The following CECR2 variants were observed in gnomAD, a reference collection of about 807,000 sequenced individuals.
CECR2 encodes the protein CECR2 histone acetyl-lysine reader.
In CECR2, 30 loss-of-function variants were observed where a neutral mutation model predicts 154.5. The ratio of observed to expected loss-of-function variants is 0.19; its 90% CI spans 0.15 to 0.26. CECR2 has a LOEUF of 0.26. Ranked by LOEUF, CECR2 falls within the 10% of genes least tolerant of loss-of-function variation. The probability of loss-of-function intolerance (pLI) is 1.00; values close to 1 mark genes in which losing one functional copy is unlikely to be tolerated. For missense variants in CECR2, 1,743 were observed against 1,829.3 expected (o/e 0.95, Z 0.86); for synonymous variants, 725 against 683.7 (o/e 1.06, Z -0.94).
intron 8 of CECR2, chr22:17,518,873 T>C: frequency 4.0e-6 from 1 of 248,672 alleles, no homozygotes; most frequent in Non-Finnish European, 8.1e-6. Flanking sequence ...TTTCTCTTAG[T>C]ATCCTTCCTT....
intron 3 of CECR2, among the ~76,000 whole-genome samples, chr22:17,498,115 G>T (rs2055664250): frequency 6.6e-6 from 1 of 152,226 alleles, no homozygotes; most frequent in Non-Finnish European, 1.5e-5. Flanking sequence ...AGGGGGCCGG[G>T]TGCTGTGGCT....
intron 8 of CECR2, among the ~76,000 whole-genome samples, chr22:17,516,663 C>T (rs958060416): frequency 1.4e-4 from 21 of 152,148 alleles, no homozygotes; most frequent in African/African-American, 5.1e-4. Context: ...GGCACCATCT[C>T]GGCTCACTGC....
intron 1 of CECR2, among the ~76,000 whole-genome samples, chr22:17,473,498 A>C (rs543136894): frequency 4.0e-4 from 61 of 152,358 alleles, no homozygotes; most frequent in African/African-American, 1.4e-3. Flanking sequence ...TTTTATTGGC[A>C]CATGAACACA....
intron 2 of CECR2, among the ~76,000 whole-genome samples, chr22:17,490,483 G>A (rs542883091): frequency 6.6e-6 from 1 of 152,172 alleles, no homozygotes; most frequent in Non-Finnish European, 1.5e-5. Context: ...CACCCAGGCT[G>A]GAGTGCAGTG....
intron 1 of CECR2, among the ~76,000 whole-genome samples, chr22:17,470,142 T>G (rs2055100148): frequency 6.6e-6 from 1 of 151,990 alleles, no homozygotes; most frequent in Non-Finnish European, 1.5e-5. Context: ...AAATTATATA[T>G]AAAATTTTCT....
intron 7 of CECR2, among the ~76,000 whole-genome samples, chr22:17,510,747 A>C (rs753588792): frequency 7.9e-5 from 12 of 152,140 alleles, no homozygotes; most frequent in Admixed American, 3.9e-4. Flanking sequence ...GACTACAGGC[A>C]CGCACCACCA....
chr22:17,378,236 G>A (rs1324825796), intron 1 of CECR2, among the ~76,000 whole-genome samples: 1 of 151,298 alleles, frequency 6.6e-6, no homozygotes. Flanking sequence ...GCCCGCCTTG[G>A]CCTCCCAAAG....
chr22:17,517,542 A>G (rs1253860096), intron 8 of CECR2, among the ~76,000 whole-genome samples: 1 of 152,222 alleles, frequency 6.6e-6, no homozygotes, highest in Admixed American at 6.5e-5. Flanking sequence ...AATGAATCCC[A>G]CTTAATACAA....
intron 1 of CECR2, among the ~76,000 whole-genome samples, chr22:17,396,468 A>C (rs1032419940): frequency 6.6e-6 from 1 of 151,842 alleles, no homozygotes; most frequent in Non-Finnish European, 1.5e-5. Context: ...AATCGCTTGA[A>C]CCCGGGAGGC....
intron 1 of CECR2, among the ~76,000 whole-genome samples, chr22:17,417,286 T>G (rs972979052): frequency 2.6e-5 from 4 of 152,098 alleles, no homozygotes; most frequent in African/African-American, 9.7e-5. Flanking sequence ...GAAACTAATA[T>G]TAATCACTGT....
At chr22:17,482,179 C>CT (rs2055336958) in intron 2 of CECR2, among the ~76,000 whole-genome samples, 1 of 143,836 alleles carries the variant, frequency 7.0e-6, no homozygotes, top group Non-Finnish European at 1.5e-5. Flanking sequence ...AATCCCAGCA[C>CT]TTTGGGAGGC....
At chr22:17,466,052 T>G (rs1187206495) in intron 1 of CECR2, among the ~76,000 whole-genome samples, 2 of 152,176 alleles carry the variant, frequency 1.3e-5, no homozygotes, top group African/African-American at 4.8e-5. Context: ...GACAGAGTCT[T>G]GCGCCATCAC....
intron 1 of CECR2, among the ~76,000 whole-genome samples, chr22:17,414,162 T>G (rs9604742): frequency 1.3e-5 from 2 of 148,712 alleles, no homozygotes; most frequent in Admixed American, 1.3e-4. Flanking sequence ...TTAGTAGAGA[T>G]GGGATTTCAC....
chr22:17,550,651 G>A (rs962496043), intron 17 of CECR2, among the ~76,000 whole-genome samples: 1 of 152,158 alleles, frequency 6.6e-6, no homozygotes, highest in African/African-American at 2.4e-5. Context: ...ACAAATGAAA[G>A]TTATGAAGCG....
chr22:17,526,808 C>CAAAAAAA (rs34800488), intron 9 of CECR2, among the ~76,000 whole-genome samples: 2 of 71,686 alleles, frequency 2.8e-5, no homozygotes, highest in African/African-American at 1.2e-4. Flanking sequence ...GACTCCATCT[C>CAAAAAAA]AAAAAAAAAA....
intron 9 of CECR2, chr22:17,534,730 A>G (rs1487555645): frequency 7.3e-6 from 1 of 136,374 alleles, no homozygotes; most frequent in Non-Finnish European, 1.6e-5. Flanking sequence ...ACAGGGTTTC[A>G]CTGTGTTAGC....
At chr22:17,466,060 C>T (rs1048655169) in intron 1 of CECR2, among the ~76,000 whole-genome samples, 4 of 152,116 alleles carry the variant, frequency 2.6e-5, no homozygotes, top group Admixed American at 1.3e-4. Context: ...CTTGCGCCAT[C>T]ACGCAGGCTG....
rs146394476 is a variant in CECR2 at position 17,401,487 on chromosome 22, T to C, written c.126+31578T>C. 5.5e-3 allele frequency among the ~76,000 whole-genome samples: 840 copies of C among 151,834 alleles called. 6 individuals carry two copies. The highest frequency in any genetic ancestry group is 0.019 in the African/African-American group (805 of 41,410). On this transcript the variant is annotated intron_variant, in intron 1 of 18. Coordinates refer to ENST00000262608, the MANE Select transcript of CECR2 (RefSeq NM_001290047.2). ...TTTGCCCCCGTCTCACCCCAACCTG[T>C]GTTTCTCTCAGGGTGACCCCCCCAA...
At chr22:17,505,286 T>C (rs550354553) in intron 7 of CECR2, among the ~76,000 whole-genome samples, 1 of 151,924 alleles carries the variant, frequency 6.6e-6, no homozygotes, top group Admixed American at 6.6e-5. Context: ...GAACCAACTT[T>C]CCTTCTCCCA....
Sources: allele counts gnomAD v4.1 joint callset (sites outside exome capture counted in the v4.1 genomes callset), GRCh38; gene constraint gnomAD v4.1.1; transcripts MANE v1.5; gene names NCBI Gene and HGNC (gene_info 2026-07-23, HGNC 2026-07-21).